Variants in CEMIP2 observed in about 807,000 individuals in gnomAD.
CEMIP2 encodes the protein cell migration inducing hyaluronidase 2, also known as cell surface hyaluronidase CEMIP2.
A neutral mutation model predicts 146.9 loss-of-function variants in CEMIP2; 79 were observed. That is an observed-to-expected ratio of 0.54 (90% confidence interval 0.45 to 0.65). The LOEUF (loss-of-function observed/expected upper bound fraction) is 0.65. Ranked by LOEUF, CEMIP2 falls within the 30% of genes least tolerant of loss-of-function variation. The pLI is 0.00. For synonymous variants in CEMIP2, 601 were observed against 606.3 expected (o/e 0.99, Z 0.13); for missense variants, 1,596 against 1,696.2 (o/e 0.94, Z 1.04).
chr9:71,731,731 C>CA (rs35175440), intron 7 of CEMIP2, among the ~76,000 whole-genome samples: 66,596 of 138,394 alleles, frequency 0.48, 17,699 homozygotes, highest in East Asian at 0.61. Context: ...GACTGTATCT[C>CA]AAAAAAAAAA....
At chr9:71,706,644 C>A (rs1822749360) in intron 17 of CEMIP2, among the ~76,000 whole-genome samples, 1 of 151,988 alleles carries the variant, frequency 6.6e-6, no homozygotes, top group African/African-American at 2.4e-5. Context: ...AAAGAGCTAC[C>A]ATAACCACAT....
chr9:71,764,914 TC>T (rs1400288974), intron 1 of CEMIP2, among the ~76,000 whole-genome samples: 3 of 139,494 alleles, frequency 2.2e-5, no homozygotes, highest in Non-Finnish European at 4.7e-5. Flanking sequence ...GCATAGCTTT[TC>T]TTCCTTTTTT....
In CEMIP2 at chr9:71,685,340, G is replaced by A. The variant is rs139333042; in HGVS notation, c.4009C>T (p.Leu1337=). 2.5e-5 allele frequency: 40 copies of A among 1,596,868 alleles called. No individual in the cohort carries two copies. Among genetic ancestry groups the A allele is most frequent in the African/African-American group, 1.2e-4 (8 of 69,216 alleles). ...SGNFKPSWTK[L]FTSPAGQGLG... ...CCCTGTCCAGCAGGACTGGTAAATA[G>A]CTTAGTCCATGATGGTTTAAAGTTT... The change falls in exon 24 of 24, where the codon CTA becomes TTA. Residue 1337 remains leucine, a synonymous_variant. Transcript: ENST00000377044.
chr9:71,702,215 A>G (rs1822581568), intron 18 of CEMIP2, among the ~76,000 whole-genome samples: 2 of 149,890 alleles, frequency 1.3e-5, no homozygotes, highest in Middle Eastern at 3.4e-3. Flanking sequence ...CCAAGATTGC[A>G]CCACTGCATT....
intron 13 of CEMIP2, 135 bp downstream of exon 13, chr9:71,717,813 A>C: frequency 1.2e-6 from 1 of 832,000 alleles, no homozygotes; most frequent in South Asian, 3.2e-5. Context: ...ATACTTCCTC[A>C]GAGCTTGTCC....
At chr9:71,741,235 T>A (rs1823906800) in intron 4 of CEMIP2, among the ~76,000 whole-genome samples, 1 of 136,034 alleles carries the variant, frequency 7.4e-6, no homozygotes, top group Non-Finnish European at 1.5e-5. Flanking sequence ...TCGCTCTTGT[T>A]ACCCAGGCTG....
intron 2 of CEMIP2, 166 bp downstream of exon 2, chr9:71,749,877 G>C: frequency 1.7e-6 from 1 of 597,310 alleles, no homozygotes; most frequent in Non-Finnish European, 2.8e-6. Flanking sequence ...ATTTCCAACA[G>C]ATTATTGAAC....
chr9:71,728,283 A>ACG (rs1404565961), intron 10 of CEMIP2, among the ~76,000 whole-genome samples: 1 of 25,604 alleles, frequency 3.9e-5, no homozygotes, highest in Non-Finnish European at 7.7e-5. Context: ...ATATATATGT[A>ACG]TATATATATA....
intron 4 of CEMIP2, among the ~76,000 whole-genome samples, chr9:71,741,177 T>G (rs937908994): frequency 6.9e-6 from 1 of 145,254 alleles, no homozygotes; most frequent in East Asian, 2.1e-4. Context: ...GGTTGAGAAC[T>G]GAGTTAGATT....
chr9:71,723,355 T>A (rs1454936528), intron 11 of CEMIP2, among the ~76,000 whole-genome samples: 44 of 144,612 alleles, frequency 3.0e-4, no homozygotes, highest in Middle Eastern at 3.5e-3. Flanking sequence ...AAAGAGAATT[T>A]AAAAAAAAAA....
intron 1 of CEMIP2, among the ~76,000 whole-genome samples, chr9:71,765,732 G>A (rs1034968482): frequency 2.6e-5 from 4 of 151,998 alleles, no homozygotes; most frequent in African/African-American, 9.7e-5. Context: ...CCTTATGTCC[G>A]GGGCTAGGCT....
At chr9:71,751,022 C>T (rs1824236958) in intron 1 of CEMIP2, among the ~76,000 whole-genome samples, 1 of 152,218 alleles carries the variant, frequency 6.6e-6, no homozygotes, top group Non-Finnish European at 1.5e-5. Context: ...GCTGGGATTA[C>T]AGGCGTGAGC....
chr9:71,715,634 A>ATATATATATATG, intron 14 of CEMIP2, among the ~76,000 whole-genome samples: 1 of 142,924 alleles, frequency 7.0e-6, no homozygotes, highest in South Asian at 2.2e-4. Flanking sequence ...AGATATATAT[A>ATATATATATATG]TATATATATA....
chr9:71,751,381 C>A (rs952825631), intron 1 of CEMIP2, among the ~76,000 whole-genome samples: 2 of 152,230 alleles, frequency 1.3e-5, no homozygotes, highest in Non-Finnish European at 2.9e-5. Flanking sequence ...CCTTCTCAAC[C>A]CTGGCTGCAT....
In CEMIP2 at chr9:71,684,940, G is replaced by C; in HGVS notation, c.*257C>G. 2.4e-6 allele frequency: 1 copy of C among 408,434 alleles called. No homozygotes were observed. Among genetic ancestry groups the C allele is most frequent in the Non-Finnish European group, 4.3e-6 (1 of 230,902 alleles). The allele number at this position is 408,434 out of a possible 1,614,324, so 25.3% of individuals were successfully genotyped here. A position where few individuals can be genotyped will look rare whatever the true frequency, so the allele number is the denominator to read the frequency against. On this transcript the variant is annotated 3_prime_UTR_variant, in exon 24 of 24. Transcript: ENST00000377044. Reference sequence around the variant, plus strand: ...CATGGTCATTACAAAATACGGGGGTGGAAAGTGAGGAATAAGAGATCTGCT... The same window carrying C: ...CATGGTCATTACAAAATACGGGGGTCGAAAGTGAGGAATAAGAGATCTGCT...
chr9:71,743,607 C>G (rs368912612), intron 4 of CEMIP2, among the ~76,000 whole-genome samples: 3 of 152,238 alleles, frequency 2.0e-5, no homozygotes, highest in East Asian at 3.9e-4. Flanking sequence ...TCTGTTAATA[C>G]TCACGCTCCC....
intron 1 of CEMIP2, among the ~76,000 whole-genome samples, chr9:71,758,906 T>G (rs948793327): frequency 6.6e-6 from 1 of 152,254 alleles, no homozygotes; most frequent in Non-Finnish European, 1.5e-5. Flanking sequence ...TTTGCCCTTG[T>G]CACAGCGCTT....
intron 1 of CEMIP2, among the ~76,000 whole-genome samples, chr9:71,755,186 C>CTTTT (rs34989743): frequency 8.6e-5 from 11 of 127,808 alleles, no homozygotes; most frequent in African/African-American, 2.6e-4. Flanking sequence ...GGAAATCATG[C>CTTTT]TTTTTTTTTT....
chr9:71,696,903 A>G (rs1822420369), intron 20 of CEMIP2, among the ~76,000 whole-genome samples: 3 of 152,190 alleles, frequency 2.0e-5, no homozygotes, highest in Admixed American at 2.0e-4. Context: ...AGAGAGAGAA[A>G]TATGGAACTT....
Sources: allele counts gnomAD v4.1 joint callset (sites outside exome capture counted in the v4.1 genomes callset), GRCh38; gene constraint gnomAD v4.1.1; transcripts MANE v1.5; gene names NCBI Gene and HGNC (gene_info 2026-07-23, HGNC 2026-07-21).